Variants in RPS6KC1 observed in about 807,000 individuals in gnomAD.
The protein encoded by RPS6KC1 is inactive ribosomal protein S6 kinase delta-1.
In RPS6KC1, 54 loss-of-function variants were observed where a neutral mutation model predicts 103.8. That is an observed-to-expected ratio of 0.52 (90% confidence interval 0.42 to 0.65). RPS6KC1 has a LOEUF of 0.65. Ranked by LOEUF, RPS6KC1 falls within the 30% of genes least tolerant of loss-of-function variation. The pLI, the probability that RPS6KC1 is intolerant of heterozygous loss-of-function variation, is 0.00. For synonymous variants in RPS6KC1, 439 were observed against 438.7 expected (o/e 1.00, Z -0.01); for missense variants, 1,151 against 1,253.8 (o/e 0.92, Z 1.24).
At chr1:213,083,331 C>T (rs1223113022) in intron 3 of RPS6KC1, among the ~76,000 whole-genome samples, 1 of 152,176 alleles carries the variant, frequency 6.6e-6, no homozygotes, top group Non-Finnish European at 1.5e-5. Flanking sequence ...AGCCTGTGAG[C>T]CTTAATCAGA....
chr1:213,137,308 T>G (rs560538481), intron 6 of RPS6KC1, among the ~76,000 whole-genome samples: 1 of 137,518 alleles, frequency 7.3e-6, no homozygotes, highest in Non-Finnish European at 1.5e-5. Flanking sequence ...ATAAAGCCTG[T>G]TTTTTTTATT....
At chr1:213,590,102 G>A in the RPS6KC1 span, among the ~76,000 whole-genome samples, 1 of 152,092 alleles carries the variant, frequency 6.6e-6, no homozygotes, top group African/African-American at 2.4e-5. Flanking sequence ...TATTACTTAT[G>A]TTAACCAATA....
intron 8 of RPS6KC1, among the ~76,000 whole-genome samples, chr1:213,218,040 A>G (rs1019699736): frequency 1.3e-5 from 2 of 152,162 alleles, no homozygotes; most frequent in African/African-American, 4.8e-5. Context: ...CAGGCAGGAG[A>G]AGGCAATAAA....
chr1:213,746,578 T>C, the RPS6KC1 span, among the ~76,000 whole-genome samples: 1 of 152,324 alleles, frequency 6.6e-6, no homozygotes, highest in Non-Finnish European at 1.5e-5. Flanking sequence ...CTAGAGAATT[T>C]TAAGCAGTGG....
chr1:213,583,820 C>CAAAAAAAA, the RPS6KC1 span, among the ~76,000 whole-genome samples: 4 of 76,330 alleles, frequency 5.2e-5, no homozygotes, highest in Non-Finnish European at 7.7e-5. Flanking sequence ...GATTCTGTCT[C>CAAAAAAAA]AAAAAAAAAA....
the RPS6KC1 span, among the ~76,000 whole-genome samples, chr1:213,807,105 G>T: frequency 6.6e-6 from 1 of 151,264 alleles, no homozygotes; most frequent in Non-Finnish European, 1.5e-5. Flanking sequence ...TTGAATATTG[G>T]CCCCCACTCT....
chr1:213,405,959 C>T, the RPS6KC1 span, among the ~76,000 whole-genome samples: 1 of 152,220 alleles, frequency 6.6e-6, no homozygotes, highest in Non-Finnish European at 1.5e-5. Flanking sequence ...TCAAGGGTCA[C>T]TCCTCACCTG....
chr1:213,659,868 C>T, the RPS6KC1 span, among the ~76,000 whole-genome samples: 1 of 152,138 alleles, frequency 6.6e-6, no homozygotes, highest in East Asian at 1.9e-4. Context: ...TTTATCTAAC[C>T]TTAGCCAAGC....
chr1:213,450,742 G>A, the RPS6KC1 span, among the ~76,000 whole-genome samples: 4 of 152,170 alleles, frequency 2.6e-5, no homozygotes, highest in Admixed American at 6.5e-5. Context: ...TTGGGAGGCC[G>A]AGGCAGGTGG....
the RPS6KC1 span, among the ~76,000 whole-genome samples, chr1:213,314,840 T>A: frequency 6.6e-6 from 1 of 152,154 alleles, no homozygotes; most frequent in Non-Finnish European, 1.5e-5. Context: ...GGATTTTTTT[T>A]AAGGACTTAA....
intron 12 of RPS6KC1, among the ~76,000 whole-genome samples, chr1:213,246,077 C>T (rs2094450084): frequency 6.6e-6 from 1 of 152,104 alleles, no homozygotes; most frequent in African/African-American, 2.4e-5. Context: ...TGTGAAAAAG[C>T]CAGCGCATAA....
chr1:213,286,298 A>T, the RPS6KC1 span, among the ~76,000 whole-genome samples: 1 of 152,188 alleles, frequency 6.6e-6, no homozygotes, highest in Non-Finnish European at 1.5e-5. Flanking sequence ...AAACTGCTTT[A>T]TTCTAAAAGA....
At chr1:213,070,130 T>A (rs2078733506) in intron 1 of RPS6KC1, among the ~76,000 whole-genome samples, 1 of 152,152 alleles carries the variant, frequency 6.6e-6, no homozygotes, top group African/African-American at 2.4e-5. Context: ...ACATGTTGTG[T>A]CCGAGCATTG....
chr1:213,269,781 T>G (rs191023662), intron 14 of RPS6KC1, among the ~76,000 whole-genome samples: 2 of 152,068 alleles, frequency 1.3e-5, no homozygotes, highest in East Asian at 3.9e-4. Flanking sequence ...TAGATGTGGT[T>G]GTGTGCTCCT....
intron 7 of RPS6KC1, among the ~76,000 whole-genome samples, chr1:213,168,872 T>C (rs2091234739): frequency 6.6e-6 from 1 of 152,162 alleles, no homozygotes; most frequent in Non-Finnish European, 1.5e-5. Flanking sequence ...TCTGCCCGCC[T>C]CAGCCTCCCA....
At chr1:213,228,640 G>A (rs752555071) in intron 8 of RPS6KC1, among the ~76,000 whole-genome samples, 14 of 152,180 alleles carry the variant, frequency 9.2e-5, no homozygotes, top group Non-Finnish European at 1.6e-4. Context: ...TGGGAGGATC[G>A]TTTGAACCTG....
At chr1:213,412,937 T>A in the RPS6KC1 span, among the ~76,000 whole-genome samples, 1 of 152,272 alleles carries the variant, frequency 6.6e-6, no homozygotes, top group African/African-American at 2.4e-5. Context: ...CAGCAGGCTT[T>A]GGTCAACGTT....
At chr1:213,576,300 A>G in the RPS6KC1 span, among the ~76,000 whole-genome samples, 1 of 152,036 alleles carries the variant, frequency 6.6e-6, no homozygotes, top group Non-Finnish European at 1.5e-5. Context: ...TGTATGAGGT[A>G]ATATATTTAA....
chr1:213,409,067 G>T, the RPS6KC1 span, among the ~76,000 whole-genome samples: 1 of 152,130 alleles, frequency 6.6e-6, no homozygotes, highest in Non-Finnish European at 1.5e-5. Context: ...AAGGTGGAAA[G>T]CGGAGGAGTG....
Sources: gnomAD v4.1 joint callset for allele counts (sites outside exome capture counted in the v4.1 genomes callset) on GRCh38, gnomAD v4.1.1 for gene constraint, MANE v1.5 for transcripts, NCBI Gene and HGNC (gene_info 2026-07-23, HGNC 2026-07-21) for gene names.